The following ZDHHC14 variants were observed in gnomAD, a reference collection of about 807,000 sequenced individuals.
ZDHHC14 encodes the protein zDHHC palmitoyltransferase 14, also known as palmitoyltransferase ZDHHC14.
Under a neutral mutation model 47.7 loss-of-function variants are expected in ZDHHC14, and 16 were observed. The observed-to-expected ratio is 0.34, with a 90% CI of 0.23 to 0.51. The LOEUF (loss-of-function observed/expected upper bound fraction) is 0.51, where lower values mean the gene tolerates loss of function less well. Ranked by LOEUF, ZDHHC14 falls within the 20% of genes least tolerant of loss-of-function variation. The pLI is 0.97. For missense variants in ZDHHC14, 515 were observed against 662.5 expected (o/e 0.78, Z 2.44); for synonymous variants, 293 against 278.9 (o/e 1.05, Z -0.50).
chr6:157,522,983 T>TCCTTCCTTCCTTCCTTCCTTCCTTCC, intron 1 of ZDHHC14, among the ~76,000 whole-genome samples: 1 of 34,996 alleles, frequency 2.9e-5, no homozygotes, highest in African/African-American at 1.9e-4. Flanking sequence ...TTCTTTTCTT[T>TCCTTCCTTCCTTCCTTCCTTCCTTCC]TTCTTTTCTT....
chr6:157,661,039 T>A (rs1778322932), intron 8 of ZDHHC14, among the ~76,000 whole-genome samples: 1 of 152,010 alleles, frequency 6.6e-6, no homozygotes, highest in Non-Finnish European at 1.5e-5. Context: ...CATCTGAGAA[T>A]TCGCCACCCA....
intron 1 of ZDHHC14, among the ~76,000 whole-genome samples, chr6:157,540,910 G>GTGTGTGTGTGTA (rs1284429244): frequency 5.0e-4 from 62 of 122,970 alleles, no homozygotes; most frequent in Non-Finnish European, 7.2e-4. Flanking sequence ...GTGTGTGTGT[G>GTGTGTGTGTGTA]TATATATATA....
chr6:157,601,027 T>C (rs1004493505), intron 3 of ZDHHC14, among the ~76,000 whole-genome samples: 29 of 152,196 alleles, frequency 1.9e-4, no homozygotes, highest in Non-Finnish European at 4.0e-4. Flanking sequence ...GCCTCCAGCA[T>C]GGAGCTCGGG....
rs199688523 is a variant in ZDHHC14, at chr6:157,583,500, T to G, written c.407-9488T>G. ...ATATTACCAAAGGTGTTTTTTTTTT[T>G]GTTGGTTCGTTTGTTTTGTTGTTAT... is the stretch of plus-strand genomic sequence containing the variant. On this transcript the variant is annotated intron_variant, in intron 2 of 8. Coordinates refer to ENST00000359775, the MANE Select transcript of ZDHHC14 (RefSeq NM_024630.3). 1.9e-4 allele frequency among the ~76,000 whole-genome samples: 29 copies of G among 152,220 alleles called. 1 individual carries two copies. In the East Asian group the frequency reaches 4.6e-3, roughly 24 times the overall value.
chr6:157,444,914 A>G (rs1778630575), intron 1 of ZDHHC14, among the ~76,000 whole-genome samples: 1 of 152,056 alleles, frequency 6.6e-6, no homozygotes, highest in Non-Finnish European at 1.5e-5. Flanking sequence ...GCATCAATGT[A>G]CTGATCAAGG....
At chr6:157,392,645 A>ATATG (rs1554254882) in intron 1 of ZDHHC14, among the ~76,000 whole-genome samples, 10 of 147,240 alleles carry the variant, frequency 6.8e-5, no homozygotes, top group Non-Finnish European at 1.4e-4. Flanking sequence ...TAAGAGAAAG[A>ATATG]TGTGTGTGTG....
intron 2 of ZDHHC14, among the ~76,000 whole-genome samples, chr6:157,566,960 C>T (rs1284189289): frequency 1.3e-5 from 2 of 151,704 alleles, no homozygotes; most frequent in Non-Finnish European, 2.9e-5. Flanking sequence ...AAGCCATTCT[C>T]CTGCCTCAGC....
At chr6:157,635,509 A>G (rs1223171999) in intron 5 of ZDHHC14, among the ~76,000 whole-genome samples, 1 of 152,226 alleles carries the variant, frequency 6.6e-6, no homozygotes, top group Admixed American at 6.5e-5. Context: ...GTCAACCACT[A>G]TGTACTTGAC....
intron 3 of ZDHHC14, among the ~76,000 whole-genome samples, chr6:157,615,808 T>TTTTGTTTTGG (rs1433330770): frequency 4.6e-5 from 7 of 152,038 alleles, no homozygotes; most frequent in Non-Finnish European, 8.8e-5. Context: ...TTTTGTTTTG[T>TTTTGTTTTGG]TTTGTTTTGG....
intron 5 of ZDHHC14, among the ~76,000 whole-genome samples, chr6:157,643,696 G>A (rs1583063691): frequency 1.1e-5 from 1 of 91,222 alleles, no homozygotes; most frequent in Non-Finnish European, 2.4e-5. Context: ...TTTTATTGTT[G>A]CTATAAACCT....
In ZDHHC14 at chr6:157,677,270, C is replaced by T. The variant is rs1778985211; in HGVS notation, c.*4148C>T. On this transcript the variant is annotated 3_prime_UTR_variant, in exon 9 of 9. Transcript: ENST00000359775. The stretch of plus-strand genomic sequence containing the variant: ...AAAAAAAAAAAAAAAAACTGCCTCT[C>T]ATTTGTTCCCTTAAAACGTCTCTCT... 5 of 147,870 alleles carry T rather than the reference C, an allele frequency of 3.4e-5. No homozygotes were observed. The South Asian group carries it at 1.1e-3, about 32-fold the overall frequency. The allele number at this position is 147,870 out of a possible 1,614,324, so 9.2% of individuals were successfully genotyped here.
chr6:157,428,896 G>A (rs1034333887), intron 1 of ZDHHC14, among the ~76,000 whole-genome samples: 1 of 152,190 alleles, frequency 6.6e-6, no homozygotes, highest in Non-Finnish European at 1.5e-5. Context: ...TCACTCGAGT[G>A]ACATTTATAG....
intron 1 of ZDHHC14, among the ~76,000 whole-genome samples, chr6:157,420,195 A>G (rs1410122648): frequency 6.6e-6 from 1 of 151,656 alleles, no homozygotes; most frequent in Non-Finnish European, 1.5e-5. Flanking sequence ...GAATCAAGGC[A>G]CTGATGAGAG....
intron 1 of ZDHHC14, among the ~76,000 whole-genome samples, chr6:157,514,080 G>T (rs1165086406): frequency 6.6e-6 from 1 of 152,118 alleles, no homozygotes; most frequent in Non-Finnish European, 1.5e-5. Flanking sequence ...ACCAGATTTG[G>T]CTCTGTCTCT....
intron 1 of ZDHHC14, among the ~76,000 whole-genome samples, chr6:157,383,134 GTCT>G (rs1216294370): frequency 6.6e-6 from 1 of 152,204 alleles, no homozygotes; most frequent in African/African-American, 2.4e-5. Flanking sequence ...CTAATGAAAG[GTCT>G]TCTTATTTAT....
chr6:157,509,570 C>A (rs941640648), intron 1 of ZDHHC14, among the ~76,000 whole-genome samples: 36 of 152,268 alleles, frequency 2.4e-4, no homozygotes, highest in African/African-American at 8.7e-4. Flanking sequence ...TCTCCAGATA[C>A]TCCCTCTCTG....
chr6:157,443,349 G>A (rs536906168), intron 1 of ZDHHC14, among the ~76,000 whole-genome samples: 2 of 152,238 alleles, frequency 1.3e-5, no homozygotes, highest in South Asian at 4.2e-4. Flanking sequence ...CTTTATAGCA[G>A]TATGAGAATG....
At chr6:157,648,559 A>G (rs942755202) in intron 7 of ZDHHC14, among the ~76,000 whole-genome samples, 3 of 152,016 alleles carry the variant, frequency 2.0e-5, no homozygotes, top group Non-Finnish European at 4.4e-5. Context: ...GCTTTAGCCT[A>G]GAAACTTGGG....
At chr6:157,533,693 G>C (rs540260617) in intron 1 of ZDHHC14, among the ~76,000 whole-genome samples, 1 of 152,318 alleles carries the variant, frequency 6.6e-6, no homozygotes, top group Admixed American at 6.5e-5. Flanking sequence ...TCTGGCTTGA[G>C]CTGGTGCATT....
Sources: gnomAD v4.1 joint callset for allele counts (sites outside exome capture counted in the v4.1 genomes callset) on GRCh38, gnomAD v4.1.1 for gene constraint, MANE v1.5 for transcripts, NCBI Gene and HGNC (gene_info 2026-07-23, HGNC 2026-07-21) for gene names.